NCOA2: variants seen among roughly 807,000 people sequenced by gnomAD.
NCOA2 encodes the protein nuclear receptor coactivator 2.
A neutral mutation model predicts 145.1 loss-of-function variants in NCOA2; 21 were observed. The ratio of observed to expected loss-of-function variants is 0.14; its 90% CI spans 0.10 to 0.21. The LOEUF (loss-of-function observed/expected upper bound fraction) is 0.21. Ranked by LOEUF, NCOA2 falls within the 10% of genes least tolerant of loss-of-function variation. The pLI is 1.00. For synonymous variants in NCOA2, 619 were observed against 637.5 expected (o/e 0.97, Z 0.44); for missense variants, 1,472 against 1,837.6 (o/e 0.80, Z 3.64).
the NCOA2 span, among the ~76,000 whole-genome samples, chr8:70,449,260 T>C: frequency 6.6e-6 from 1 of 152,242 alleles, no homozygotes; most frequent in Non-Finnish European, 1.5e-5. Flanking sequence ...TAGAAGCACC[T>C]GCTCTCATTT....
chr8:70,188,052 C>T (rs553899416), intron 4 of NCOA2, among the ~76,000 whole-genome samples: 8 of 152,188 alleles, frequency 5.3e-5, no homozygotes, highest in Non-Finnish European at 1.2e-4. Context: ...ACAGGTGAGG[C>T]TGAAGATGAC....
chr8:70,224,428 A>T (rs990828493), intron 2 of NCOA2, among the ~76,000 whole-genome samples: 5 of 152,218 alleles, frequency 3.3e-5, no homozygotes, highest in African/African-American at 1.2e-4. Context: ...ATATAAATGT[A>T]ACTTTGAGTC....
chr8:70,363,224 A>C lies in NCOA2; in HGVS notation c.-77+40476T>G, dbSNP rs149045431. Among the ~76,000 whole-genome samples the C allele has an allele frequency of 4.1e-3, 622 of 152,180 alleles. 1 individual carries two copies. The highest frequency in any genetic ancestry group is 6.0e-3 in the Non-Finnish European group (410 of 68,002). On this transcript the variant is annotated intron_variant, in intron 1 of 22. Transcript: ENST00000452400. The stretch of plus-strand genomic sequence containing the variant: ...CAGTGAAACCCCGTCTCTACTAAAA[A>C]TACATAAAATTAGCCGGACGTGGTG...
chr8:70,251,997 A>C (rs921640452), intron 2 of NCOA2, among the ~76,000 whole-genome samples: 3 of 152,240 alleles, frequency 2.0e-5, no homozygotes, highest in African/African-American at 7.2e-5. Context: ...CTTATAACCT[A>C]CACACAGACT....
intron 2 of NCOA2, among the ~76,000 whole-genome samples, chr8:70,253,732 C>T (rs562510002): frequency 4.6e-5 from 7 of 152,076 alleles, no homozygotes; most frequent in Middle Eastern, 3.4e-3. Context: ...CCTTACCTTA[C>T]GCATACAAAA....
intron 2 of NCOA2, among the ~76,000 whole-genome samples, chr8:70,268,706 TTTA>T (rs1305439198): frequency 1.3e-5 from 2 of 152,002 alleles, no homozygotes; most frequent in African/African-American, 4.8e-5. Flanking sequence ...TTCACGGGTT[TTTA>T]TTAATATTAA....
chr8:70,433,031 T>C, the NCOA2 span, among the ~76,000 whole-genome samples: 1 of 152,180 alleles, frequency 6.6e-6, no homozygotes, highest in Non-Finnish European at 1.5e-5. Flanking sequence ...TTTTTACATA[T>C]CTGTCTTTTG....
At chr8:70,355,474 T>A (rs1809599479) in intron 1 of NCOA2, among the ~76,000 whole-genome samples, 1 of 152,248 alleles carries the variant, frequency 6.6e-6, no homozygotes, top group Non-Finnish European at 1.5e-5. Flanking sequence ...AGGGAACCTG[T>A]ATTCTCTTAG....
Position 70,113,444 on chromosome 8 carries a change from A to G in NCOA2, c.*188T>C, listed in dbSNP as rs1806720349. The G allele has an allele frequency of 1.6e-6, 1 of 619,704 alleles. No homozygotes were observed. The highest frequency in any genetic ancestry group is 1.8e-5 in the African/African-American group (1 of 54,270). 38.4% of individuals were successfully genotyped at this position (619,704 alleles called of 1,614,324 possible). A position where few individuals can be genotyped will look rare whatever the true frequency, so the allele number is the denominator to read the frequency against. On this transcript the variant is annotated 3_prime_UTR_variant, in exon 23 of 23. Coordinates refer to ENST00000452400, the MANE Select transcript of NCOA2 (RefSeq NM_006540.4). ...TGGATGCGAGCTTCAGACTGTCAAG[A>G]GAAGAGGCAGCTCCTCCTGCCACAG...
chr8:70,151,378 C>T (rs1358727880), intron 11 of NCOA2, among the ~76,000 whole-genome samples: 1 of 151,952 alleles, frequency 6.6e-6, no homozygotes, highest in East Asian at 1.9e-4. Flanking sequence ...ACCTCCGCCT[C>T]CCAGGTTCAA....
intron 4 of NCOA2, among the ~76,000 whole-genome samples, chr8:70,202,935 A>C (rs892519251): frequency 6.6e-6 from 1 of 152,158 alleles, no homozygotes; most frequent in Non-Finnish European, 1.5e-5. Flanking sequence ...GCTTATGCCT[A>C]TAATCCCAGG....
intron 1 of NCOA2, among the ~76,000 whole-genome samples, chr8:70,354,326 T>C (rs937876222): frequency 6.6e-6 from 1 of 152,214 alleles, no homozygotes; most frequent in Non-Finnish European, 1.5e-5. Flanking sequence ...TTTTGATGTT[T>C]TGTTGATGTG....
chr8:70,378,347 T>G (rs954501744), intron 1 of NCOA2, among the ~76,000 whole-genome samples: 5 of 152,124 alleles, frequency 3.3e-5, no homozygotes, highest in African/African-American at 1.2e-4. Context: ...AAAATATTTT[T>G]GAATGTTGAA....
At chr8:70,419,549 C>T in the NCOA2 span, among the ~76,000 whole-genome samples, 2 of 151,750 alleles carry the variant, frequency 1.3e-5, no homozygotes, top group African/African-American at 2.4e-5. Flanking sequence ...CTTTTCTTGT[C>T]CCTACTTATT....
chr8:70,204,148 C>T (rs1331060548), intron 4 of NCOA2, among the ~76,000 whole-genome samples: 3 of 151,988 alleles, frequency 2.0e-5, no homozygotes, highest in African/African-American at 7.3e-5. Flanking sequence ...GCTGGGATTA[C>T]AGGCGTGTGC....
At chr8:70,404,170 G>A (rs1360216529), upstream of NCOA2, among the ~76,000 whole-genome samples, 1 of 152,212 alleles carries the variant, frequency 6.6e-6, no homozygotes, top group Non-Finnish European at 1.5e-5. Flanking sequence ...AGGGGACAGG[G>A]GACAAAATGG....
At chr8:70,291,929 A>G (rs1345245024) in intron 2 of NCOA2, among the ~76,000 whole-genome samples, 1 of 151,902 alleles carries the variant, frequency 6.6e-6, no homozygotes, top group Non-Finnish European at 1.5e-5. Flanking sequence ...GAAACCCCGT[A>G]GCCGGGTGCG....
chr8:70,436,773 A>G, the NCOA2 span, among the ~76,000 whole-genome samples: 6 of 152,262 alleles, frequency 3.9e-5, no homozygotes, highest in African/African-American at 1.4e-4. Flanking sequence ...ATAAACTCAC[A>G]ACCCTGACAC....
intron 4 of NCOA2, among the ~76,000 whole-genome samples, chr8:70,194,270 A>G (rs1817017515): frequency 6.6e-6 from 1 of 152,226 alleles, no homozygotes; most frequent in Non-Finnish European, 1.5e-5. Flanking sequence ...TCTTTTCCAG[A>G]ACACAAGTTA....
Sources: gnomAD v4.1 joint callset for allele counts (sites outside exome capture counted in the v4.1 genomes callset) on GRCh38, gnomAD v4.1.1 for gene constraint, MANE v1.5 for transcripts, NCBI Gene and HGNC (gene_info 2026-07-23, HGNC 2026-07-21) for gene names.